The following SKAP2 variants were observed in gnomAD, a reference collection of about 807,000 sequenced individuals.
The protein encoded by SKAP2 is src kinase associated phosphoprotein 2.
SKAP2 carries 28 observed loss-of-function variants against 54.9 expected under a neutral mutation model. The observed-to-expected ratio is 0.51, with a 90% CI of 0.38 to 0.70. SKAP2 has a LOEUF of 0.70. Among genes scored for constraint, SKAP2 ranks in the 30% least tolerant of loss-of-function variants. The pLI, the probability that SKAP2 is intolerant of heterozygous loss-of-function variation, is 0.00. For synonymous variants in SKAP2, 137 were observed against 134.3 expected (o/e 1.02, Z -0.14); for missense variants, 356 against 424.1 (o/e 0.84, Z 1.41).
At chr7:26,748,493 T>A (rs1562596123) in intron 4 of SKAP2, among the ~76,000 whole-genome samples, 2 of 152,112 alleles carry the variant, frequency 1.3e-5, no homozygotes, top group Non-Finnish European at 2.9e-5. Context: ...AGTAAAGGGA[T>A]CTTTAGATTC....
chr7:26,783,590 C>T (rs1156840007), intron 4 of SKAP2, among the ~76,000 whole-genome samples: 1 of 152,158 alleles, frequency 6.6e-6, no homozygotes, highest in African/African-American at 2.4e-5. Context: ...TTGGAAATCC[C>T]ACCTATAGGC....
chr7:26,790,823 A>G (rs545301317), intron 4 of SKAP2, among the ~76,000 whole-genome samples: 1 of 152,332 alleles, frequency 6.6e-6, no homozygotes, highest in Non-Finnish European at 1.5e-5. Flanking sequence ...CCATATATCA[A>G]GAGGACCTTA....
At position 26,667,076 on chromosome 7, in the gene SKAP2, CAATT is replaced by C. The variant is rs1450247016; in HGVS notation, c.*2586_*2589del. On this transcript the variant is annotated 3_prime_UTR_variant, in exon 13 of 13. Transcript: ENST00000345317. ...TATTAGCATCATAACAGTTTGCAAACAATTAAACTTTATTTGAACCTTAAAAATT... is the reference window on the plus strand; with the variant it reads ...TATTAGCATCATAACAGTTTGCAAACAAACTTTATTTGAACCTTAAAAATT... 10 of 152,200 alleles carry C rather than the reference CAATT, an allele frequency of 6.6e-5. No homozygotes were observed. The highest frequency in any genetic ancestry group is 1.9e-4 in the African/African-American group (8 of 41,550). The allele number at this position is 152,200 out of a possible 1,614,324, so 9.4% of individuals were successfully genotyped here.
At chr7:26,710,388 T>C (rs1787275296) in intron 9 of SKAP2, among the ~76,000 whole-genome samples, 1 of 152,206 alleles carries the variant, frequency 6.6e-6, no homozygotes, top group Non-Finnish European at 1.5e-5. Flanking sequence ...TAGAAAAGTT[T>C]AGAGAAGCTC....
intron 11 of SKAP2, among the ~76,000 whole-genome samples, chr7:26,683,967 CAG>C (rs1171805857): frequency 6.6e-6 from 1 of 152,038 alleles, no homozygotes; most frequent in Admixed American, 6.6e-5. Context: ...TGTAAGTAGA[CAG>C]AGGGAAATTT....
chr7:26,678,557 C>G (rs896425797), intron 11 of SKAP2, among the ~76,000 whole-genome samples: 1 of 151,636 alleles, frequency 6.6e-6, no homozygotes. Flanking sequence ...TCTCCTGCCT[C>G]AGCTTCCCAA....
At chr7:26,659,949 G>C in the SKAP2 span, among the ~76,000 whole-genome samples, 1 of 152,144 alleles carries the variant, frequency 6.6e-6, no homozygotes, top group South Asian at 2.1e-4. Context: ...AATTATGGCA[G>C]AGTTTAGGGC....
At chr7:26,762,791 A>AAGGAAAG (rs1782961496) in intron 4 of SKAP2, among the ~76,000 whole-genome samples, 1 of 152,234 alleles carries the variant, frequency 6.6e-6, no homozygotes, top group South Asian at 2.1e-4. Flanking sequence ...GAATGATTCA[A>AAGGAAAG]AGGAAAGAAA....
chr7:26,655,272 C>T, the SKAP2 span, among the ~76,000 whole-genome samples: 2 of 152,162 alleles, frequency 1.3e-5, no homozygotes, highest in African/African-American at 4.8e-5. Context: ...ACACTAGTAT[C>T]TACTGTACAG....
At chr7:26,832,286 T>C (rs969895208) in intron 4 of SKAP2, among the ~76,000 whole-genome samples, 1 of 152,196 alleles carries the variant, frequency 6.6e-6, no homozygotes, top group Non-Finnish European at 1.5e-5. Context: ...GCTTATAGCA[T>C]CTTGGTTCTT....
intron 4 of SKAP2, among the ~76,000 whole-genome samples, chr7:26,832,449 G>A (rs1251864653): frequency 6.6e-6 from 1 of 152,142 alleles, no homozygotes; most frequent in Non-Finnish European, 1.5e-5. Context: ...CAGCCTCTTG[G>A]TGTCATTAAA....
chr7:26,786,368 C>A (rs1783544924), intron 4 of SKAP2, among the ~76,000 whole-genome samples: 2 of 152,140 alleles, frequency 1.3e-5, no homozygotes. Flanking sequence ...AAGTAAAAAA[C>A]ATATAAGTAA....
chr7:26,837,511 T>C (rs1032441866), intron 4 of SKAP2, among the ~76,000 whole-genome samples: 42 of 151,912 alleles, frequency 2.8e-4, no homozygotes, highest in Non-Finnish European at 4.4e-5. Flanking sequence ...AGAGTGGGGT[T>C]GGGAGGTGCC....
At chr7:26,803,498 A>C (rs571682769) in intron 4 of SKAP2, among the ~76,000 whole-genome samples, 1 of 152,358 alleles carries the variant, frequency 6.6e-6, no homozygotes, top group South Asian at 2.1e-4. Context: ...AATGACAGAC[A>C]GCCCTTGTAT....
chr7:26,726,038 G>C (rs749259473), intron 7 of SKAP2, 52 bp from the exon 8 acceptor site: 21 of 1,154,854 alleles, frequency 1.8e-5, no homozygotes, highest in Admixed American at 1.0e-4. Context: ...GGAATGAAAG[G>C]TATGTTGTAT....
chr7:26,791,791 G>A (rs973416764), intron 4 of SKAP2, among the ~76,000 whole-genome samples: 1 of 152,116 alleles, frequency 6.6e-6, no homozygotes, highest in Non-Finnish European at 1.5e-5. Context: ...TAGCTATTGC[G>A]GAAAACATTT....
At chr7:26,767,913 G>C (rs544704608) in intron 4 of SKAP2, among the ~76,000 whole-genome samples, 1 of 152,278 alleles carries the variant, frequency 6.6e-6, no homozygotes, top group East Asian at 1.9e-4. Context: ...AGTGCAATGT[G>C]GTGCTGAGAA....
intron 4 of SKAP2, among the ~76,000 whole-genome samples, chr7:26,764,239 T>C (rs1309504230): frequency 6.6e-6 from 1 of 152,034 alleles, no homozygotes; most frequent in Non-Finnish European, 1.5e-5. Flanking sequence ...TTTGTAACCA[T>C]CCAGCAACTA....
chr7:26,797,005 T>C (rs1483589452), intron 4 of SKAP2, among the ~76,000 whole-genome samples: 1 of 152,152 alleles, frequency 6.6e-6, no homozygotes, highest in Non-Finnish European at 1.5e-5. Context: ...GGGAGAAAAG[T>C]AGAGGAGAAA....
Sources: allele counts gnomAD v4.1 joint callset (sites outside exome capture counted in the v4.1 genomes callset), GRCh38; gene constraint gnomAD v4.1.1; transcripts MANE v1.5; gene names NCBI Gene and HGNC (gene_info 2026-07-23, HGNC 2026-07-21).